SATL1: variants seen among roughly 807,000 people sequenced by gnomAD.
The protein encoded by SATL1 is spermidine/spermine N(1)-acetyltransferase-like protein 1.
SATL1 carries 47 observed loss-of-function variants against 51.8 expected under a neutral mutation model. The observed-to-expected ratio is 0.91, with a 90% CI of 0.72 to 1.16. The LOEUF is 1.16. SATL1 is among the 50% of genes most tolerant of loss of function. The pLI is 0.00. For missense variants in SATL1, 520 were observed against 526.4 expected, an observed-to-expected ratio of 0.99 and a Z score of 0.12; for synonymous variants, 176 against 182.4, an observed-to-expected ratio of 0.97 and a Z score of 0.28.
intron 1 of SATL1, among the ~76,000 whole-genome samples, chrX:85,241,474 G>C (rs1029341843): frequency 9.0e-6 from 1 of 111,683 alleles, no homozygotes; most frequent in Non-Finnish European, 1.9e-5. Context: ...TGAATGCTTT[G>C]GGCTTATGAT....
Position 85,094,982 on chromosome X carries a change from C to T in SATL1, c.1708G>A (p.Gly570Ser). Residue 570 changes from glycine to serine, a missense_variant, in exon 5 of 8, where the codon GGC becomes AGC. Physicochemically the swap from Gly to Ser is moderately conservative, Grantham distance 56. Coordinates refer to ENST00000644105, the MANE Select transcript of SATL1 (RefSeq NM_001367857.2). ...ELTAADLLRD[G>S]FGDNPLFYCL... is the part of the protein sequence containing the mutation. ...TAGAAAAGGGGATTGTCCCCAAAGC[C>T]ATCTCTGAGTAAATCTGAAATATCA... is the stretch of plus-strand genomic sequence containing the variant. The T allele has an allele frequency of 8.7e-7, 1 of 1,143,374 alleles. No individual in the cohort carries two copies. Among genetic ancestry groups the T allele is most frequent in the Non-Finnish European group, 1.2e-6 (1 of 836,439 alleles). The allele number at this position is 1,143,374 out of a possible 1,213,427, so 94.2% of individuals were successfully genotyped here. A position where few individuals can be genotyped will look rare whatever the true frequency, so the allele number is the denominator to read the frequency against.
At chrX:85,094,868 G>T in intron 5 of SATL1, 48 bp downstream of exon 5, 1 of 799,903 alleles carries the variant, frequency 1.3e-6, no homozygotes, top group Non-Finnish European at 1.9e-6. Flanking sequence ...TTTTCAGCAT[G>T]GAAAAAATAT....
chrX:85,094,040 C>T (rs999942814), intron 6 of SATL1, 88 bp downstream of exon 6: 2 of 478,973 alleles, frequency 4.2e-6, no homozygotes. Context: ...ACTAAAACAC[C>T]GTATGTATAG....
chrX:85,220,134 G>C (rs779106190), intron 2 of SATL1, among the ~76,000 whole-genome samples: 1 of 110,487 alleles, frequency 9.1e-6, no homozygotes, highest in Non-Finnish European at 1.9e-5. Context: ...ATCAAACTCA[G>C]TGCTGTCCTG....
intron 4 of SATL1, among the ~76,000 whole-genome samples, chrX:85,102,414 T>A (rs1241892215): frequency 8.9e-6 from 1 of 111,852 alleles, no homozygotes; most frequent in Non-Finnish European, 1.9e-5. Flanking sequence ...GTATTGAATG[T>A]CACTGAATTA....
At chrX:85,167,899 T>C (rs1347554868) in intron 2 of SATL1, among the ~76,000 whole-genome samples, 5 of 110,787 alleles carry the variant, frequency 4.5e-5, no homozygotes, top group South Asian at 7.7e-4. Flanking sequence ...GCAAGCCTAA[T>C]TGAGCAGCAC....
chrX:85,097,463 A>G (rs1436865541), intron 4 of SATL1, among the ~76,000 whole-genome samples: 2 of 112,179 alleles, frequency 1.8e-5, no homozygotes, highest in African/African-American at 6.5e-5. Context: ...TCAGCCTCCC[A>G]TGTAGCTGGG....
chrX:85,145,303 T>C (rs191018721), intron 2 of SATL1, among the ~76,000 whole-genome samples: 1 of 111,841 alleles, frequency 8.9e-6, no homozygotes, highest in African/African-American at 3.2e-5. Flanking sequence ...CTTATTTTTA[T>C]GTCTGTCTTT....
chrX:85,135,338 GA>G (rs951012210), intron 2 of SATL1, among the ~76,000 whole-genome samples: 16 of 108,606 alleles, frequency 1.5e-4, no homozygotes, highest in East Asian at 5.8e-4. Flanking sequence ...AAAAGTTGAA[GA>G]AAAAAAAACT....
intron 2 of SATL1, among the ~76,000 whole-genome samples, chrX:85,185,641 C>T (rs1282673792): frequency 1.8e-5 from 2 of 111,625 alleles, no homozygotes; most frequent in African/African-American, 6.5e-5. Context: ...GCCTGGCTAC[C>T]ACTGATGTTC....
At chrX:85,238,979 T>G (rs1469560924) in intron 1 of SATL1, among the ~76,000 whole-genome samples, 1 of 111,049 alleles carries the variant, frequency 9.0e-6, no homozygotes, top group Non-Finnish European at 1.9e-5. Flanking sequence ...TTGTATAAAG[T>G]TTCAGTACTC....
chrX:85,238,105 T>C (rs1479950384), intron 1 of SATL1, among the ~76,000 whole-genome samples: 1 of 111,552 alleles, frequency 9.0e-6, no homozygotes, highest in Non-Finnish European at 1.9e-5. Context: ...TTGTACACTG[T>C]TGGTGGGAAT....
intron 2 of SATL1, among the ~76,000 whole-genome samples, chrX:85,204,577 T>G (rs1302362390): frequency 8.9e-6 from 1 of 112,245 alleles, no homozygotes; most frequent in Non-Finnish European, 1.9e-5. Flanking sequence ...TGAGTCACTA[T>G]GTTTTTGGAT....
chrX:85,203,641 T>C (rs1355527075), intron 2 of SATL1, among the ~76,000 whole-genome samples: 1 of 112,282 alleles, frequency 8.9e-6, no homozygotes, highest in Non-Finnish European at 1.9e-5. Context: ...AAAGCAGCAG[T>C]CTGGCCACAT....
intron 2 of SATL1, among the ~76,000 whole-genome samples, chrX:85,194,637 T>C (rs1332317145): frequency 9.1e-6 from 1 of 110,178 alleles, no homozygotes; most frequent in Non-Finnish European, 1.9e-5. Flanking sequence ...TGTCCATCAG[T>C]GATAGACTGG....
chrX:85,115,079 G>A (rs1244040493), intron 2 of SATL1, among the ~76,000 whole-genome samples: 1 of 111,850 alleles, frequency 8.9e-6, no homozygotes, highest in Non-Finnish European at 1.9e-5. Flanking sequence ...ACAGGAGGAA[G>A]TGGAAGGAAG....
At chrX:85,152,892 C>T (rs1480533695) in intron 2 of SATL1, among the ~76,000 whole-genome samples, 1 of 110,080 alleles carries the variant, frequency 9.1e-6, no homozygotes, top group African/African-American at 3.3e-5. Context: ...GGGTGCAGCA[C>T]ACCAGCATGG....
intron 4 of SATL1, among the ~76,000 whole-genome samples, chrX:85,098,682 A>T (rs1350119443): frequency 8.9e-6 from 1 of 111,876 alleles, no homozygotes; most frequent in Non-Finnish European, 1.9e-5. Context: ...ATATGTGGAA[A>T]TTAAACAACG....
At chrX:85,179,912 A>G (rs958657790) in intron 2 of SATL1, among the ~76,000 whole-genome samples, 7 of 105,497 alleles carry the variant, frequency 6.6e-5, no homozygotes, top group Admixed American at 6.2e-4. Context: ...CTGAATAATT[A>G]AAAAAAAAAC....
Sources: gnomAD v4.1 joint callset for allele counts (sites outside exome capture counted in the v4.1 genomes callset) on GRCh38, gnomAD v4.1.1 for gene constraint, MANE v1.5 for transcripts, NCBI Gene and HGNC (gene_info 2026-07-23, HGNC 2026-07-21) for gene names.